Variants in CTNNA3 observed in about 807,000 individuals in gnomAD.
The protein encoded by CTNNA3 is catenin alpha 3.
In CTNNA3, 76 loss-of-function variants were observed where a neutral mutation model predicts 95.7. That is an observed-to-expected ratio of 0.79 (90% CI 0.66 to 0.96). CTNNA3 has a LOEUF of 0.96. Ranked by LOEUF, CTNNA3 falls within the 40% of genes least tolerant of loss-of-function variation. The probability of loss-of-function intolerance (pLI) is 0.00; values close to 1 mark genes in which losing one functional copy is unlikely to be tolerated. For synonymous variants in CTNNA3, 431 were observed against 374.4 expected (o/e 1.15, Z -1.74); for missense variants, 1,191 against 1,089.8 (o/e 1.09, Z -1.31).
chr10:67,024,341 C>T (rs542981883), intron 7 of CTNNA3, among the ~76,000 whole-genome samples: 1 of 152,296 alleles, frequency 6.6e-6, no homozygotes, highest in African/African-American at 2.4e-5. Context: ...GACCTTCCTG[C>T]CTCCCTCTTA....
At chr10:67,305,391 A>AAAG (rs1840510489) in intron 5 of CTNNA3, among the ~76,000 whole-genome samples, 2 of 151,512 alleles carry the variant, frequency 1.3e-5, no homozygotes, top group Admixed American at 6.6e-5. Context: ...AAAAAAAAAA[A>AAAG]AGAGAGAGAG....
chr10:66,324,810 C>T (rs1422585853), intron 12 of CTNNA3, among the ~76,000 whole-genome samples: 1 of 151,838 alleles, frequency 6.6e-6, no homozygotes, highest in Non-Finnish European at 1.5e-5. Context: ...CATGCTTAAA[C>T]TGGATATGGA....
At chr10:66,506,378 T>G (rs1840451413) in intron 11 of CTNNA3, among the ~76,000 whole-genome samples, 1 of 152,186 alleles carries the variant, frequency 6.6e-6, no homozygotes, top group Non-Finnish European at 1.5e-5. Context: ...CCAATCCTGA[T>G]GTAGTCTGTG....
At chr10:67,085,046 T>A (rs901206930) in intron 7 of CTNNA3, among the ~76,000 whole-genome samples, 1 of 151,968 alleles carries the variant, frequency 6.6e-6, no homozygotes, top group African/African-American at 2.4e-5. Flanking sequence ...GAGCTTCAAA[T>A]TTGCTGTCCA....
chr10:67,295,805 C>G (rs1213225861), intron 5 of CTNNA3, among the ~76,000 whole-genome samples: 2 of 152,144 alleles, frequency 1.3e-5, no homozygotes, highest in African/African-American at 4.8e-5. Flanking sequence ...AAGACACACA[C>G]CTGTGATGCA....
chr10:65,957,801 C>T (rs919092460), intron 17 of CTNNA3, among the ~76,000 whole-genome samples: 2 of 152,162 alleles, frequency 1.3e-5, no homozygotes, highest in Non-Finnish European at 2.9e-5. Flanking sequence ...CGACCTTTCT[C>T]TCTGGTTGCC....
intron 5 of CTNNA3, among the ~76,000 whole-genome samples, chr10:67,327,194 T>C (rs180806949): frequency 6.6e-6 from 1 of 152,328 alleles, no homozygotes; most frequent in Non-Finnish European, 1.5e-5. Context: ...ATGATCTTTA[T>C]TCCTATCCAT....
At chr10:66,607,472 C>CAAAAAAAAAAAAAAAAAAAAAAA (rs574854850) in intron 10 of CTNNA3, among the ~76,000 whole-genome samples, 15 of 45,292 alleles carry the variant, frequency 3.3e-4, no homozygotes, top group East Asian at 6.4e-4. Flanking sequence ...CAGAGACAAC[C>CAAAAAAAAAAAAAAAAAAAAAAA]AAAAAAAAAA....
chr10:66,391,914 G>T (rs536038250), intron 11 of CTNNA3, among the ~76,000 whole-genome samples: 2 of 151,866 alleles, frequency 1.3e-5, no homozygotes, highest in South Asian at 4.2e-4. Flanking sequence ...CAGAAGAAAA[G>T]ATATAAAGCA....
intron 10 of CTNNA3, among the ~76,000 whole-genome samples, chr10:66,569,444 A>T: frequency 6.6e-6 from 1 of 152,216 alleles, no homozygotes; most frequent in East Asian, 1.9e-4. Flanking sequence ...TGCAACAGAT[A>T]TACTTTGCAA....
At chr10:65,948,363 T>C (rs1270645468) in intron 17 of CTNNA3, among the ~76,000 whole-genome samples, 1 of 151,456 alleles carries the variant, frequency 6.6e-6, no homozygotes, top group East Asian at 1.9e-4. Context: ...AGGTGCTCAA[T>C]GTCTACACAA....
intron 12 of CTNNA3, among the ~76,000 whole-genome samples, chr10:66,281,312 G>A (rs977022598): frequency 4.0e-5 from 6 of 151,752 alleles, no homozygotes; most frequent in East Asian, 1.9e-4. Flanking sequence ...AAATAAAAAC[G>A]CTTCTTCAAT....
intron 5 of CTNNA3, among the ~76,000 whole-genome samples, chr10:67,511,270 A>G (rs952475567): frequency 6.6e-6 from 1 of 152,148 alleles, no homozygotes. Context: ...GTCTTGTGCC[A>G]GTTTTCAAAA....
intron 7 of CTNNA3, among the ~76,000 whole-genome samples, chr10:67,063,426 A>G (rs1052487318): frequency 1.3e-5 from 2 of 152,208 alleles, no homozygotes; most frequent in South Asian, 2.1e-4. Context: ...AGTTAAATTC[A>G]TTAAAGAAAA....
intron 1 of CTNNA3, among the ~76,000 whole-genome samples, chr10:67,757,915 T>G (rs1486153051): frequency 6.6e-6 from 1 of 152,136 alleles, no homozygotes; most frequent in African/African-American, 2.4e-5. Context: ...TGTCCAGATA[T>G]CTGGTAAAAT....
intron 10 of CTNNA3, among the ~76,000 whole-genome samples, chr10:66,537,069 C>T (rs1227840779): frequency 6.6e-6 from 1 of 151,418 alleles, no homozygotes; most frequent in Non-Finnish European, 1.5e-5. Flanking sequence ...AAAAGACTTA[C>T]ATAAAATATA....
chr10:66,970,684 T>C (rs1448011164), intron 7 of CTNNA3, among the ~76,000 whole-genome samples: 1 of 152,130 alleles, frequency 6.6e-6, no homozygotes, highest in Admixed American at 6.5e-5. Flanking sequence ...TGACACTATT[T>C]TCACATAGCC....
intron 7 of CTNNA3, among the ~76,000 whole-genome samples, chr10:66,940,958 G>GCAA (rs1847964730): frequency 6.6e-6 from 1 of 152,138 alleles, no homozygotes; most frequent in Non-Finnish European, 1.5e-5. Flanking sequence ...GTAAAAAAAT[G>GCAA]CAACTGAGTT....
chr10:66,893,913 T>G (rs1233734659), intron 7 of CTNNA3, among the ~76,000 whole-genome samples: 2 of 152,152 alleles, frequency 1.3e-5, no homozygotes, highest in Non-Finnish European at 2.9e-5. Context: ...TTTCTCATCC[T>G]TATGTTTTTT....
Sources: allele counts gnomAD v4.1 joint callset (sites outside exome capture counted in the v4.1 genomes callset), GRCh38; gene constraint gnomAD v4.1.1; transcripts MANE v1.5; gene names NCBI Gene and HGNC (gene_info 2026-07-23, HGNC 2026-07-21).